CDKN1C: variants seen among roughly 807,000 people sequenced by gnomAD.
The protein encoded by CDKN1C is cyclin dependent kinase inhibitor 1C, also known as cyclin-dependent kinase inhibitor 1C.
A neutral mutation model predicts 16.5 loss-of-function variants in CDKN1C; 7 were observed. The ratio of observed to expected loss-of-function variants is 0.42; its 90% CI spans 0.24 to 0.80. The LOEUF (loss-of-function observed/expected upper bound fraction) is 0.80. Among genes scored for constraint, CDKN1C ranks in the 30% least tolerant of loss-of-function variants. The pLI, the probability that CDKN1C is intolerant of heterozygous loss-of-function variation, is 0.26. For synonymous variants in CDKN1C, 288 were observed against 214.4 expected (o/e 1.34, Z -3.00); for missense variants, 429 against 437.3 (o/e 0.98, Z 0.17).
In CDKN1C at chr11:2,883,470, T is replaced by G. The variant is rs12801085; in HGVS notation, c.*451A>C. ...AGTTACACTTGTCAATAACCAGATG[T>G]GGGAGATGGAGAGTGCCTTTGGCAT... is the stretch of plus-strand genomic sequence containing the variant. On this transcript the variant is annotated 3_prime_UTR_variant, in exon 4 of 4. Coordinates refer to ENST00000440480, the MANE Select transcript of CDKN1C (RefSeq NM_001122630.2). The G allele has an allele frequency of 5.0e-6, 1 of 199,270 alleles. No individual in the cohort carries two copies. The highest frequency in any genetic ancestry group is 1.0e-5 in the Non-Finnish European group (1 of 99,438). The allele number at this position is 199,270 out of a possible 1,614,324, so 12.3% of individuals were successfully genotyped here. A position where few individuals can be genotyped will look rare whatever the true frequency, so the allele number is the denominator to read the frequency against.
rs1172216105 is a variant in CDKN1C, at chr11:2,885,442, G to A, written c.15C>T (p.Val5=). 1.3e-6 allele frequency: 2 copies of A among 1,547,356 alleles called. No homozygotes were observed. Among genetic ancestry groups the A allele is most frequent in the East Asian group, 2.4e-5 (1 of 41,006 alleles). Residue 5 remains valine (V), a synonymous_variant, in exon 2 of 4, where the codon GTC becomes GTT. Transcript: ENST00000440480. ...CTAGTACTGGGAAGGTCCCACGGGCGACAAGACGCTCCATCGTGGATGTGC... is the reference window on the plus strand; with the variant it reads ...CTAGTACTGGGAAGGTCCCACGGGCAACAAGACGCTCCATCGTGGATGTGC... The part of the protein sequence containing the change: MERL[V]ARGTFPVLVR...
intron 2 of CDKN1C, chr11:2,884,423 C>A (rs1294978257): frequency 3.8e-6 from 1 of 262,478 alleles, no homozygotes; most frequent in Admixed American, 5.5e-5. Flanking sequence ...CGGCCGGGGG[C>A]GAAAACTGCG....
rs1404088846 is a variant in CDKN1C at position 2,883,769 on chromosome 11, A to C, written c.*152T>G. On this transcript the variant is annotated 3_prime_UTR_variant, in exon 4 of 4. Transcript: ENST00000440480. ...AAAAGACGTTATTAATACATTGCAC[A>C]GTTTTCAAAATTTAAAAACAAAACC... 2.0e-6 allele frequency: 3 copies of C among 1,474,438 alleles called. No homozygotes were observed. In the East Asian group the frequency reaches 7.5e-5, roughly 37 times the overall value. 91.3% of individuals were successfully genotyped at this position (1,474,438 alleles called of 1,614,324 possible).
chr11:2,885,549 A>C, intron 1 of CDKN1C, 83 bp from the exon 2 acceptor site: 1 of 1,531,260 alleles, frequency 6.5e-7, no homozygotes, highest in African/African-American at 1.4e-5. Context: ...AAGAAGGGGA[A>C]AGGAGAGGAG....
At position 2,883,986 on chromosome 11, in the gene CDKN1C, G is replaced by A. The variant is rs765026706; in HGVS notation, c.*5+13C>T. On this transcript the variant is annotated intron_variant, in intron 3 of 3. Coordinates refer to ENST00000440480, the MANE Select transcript of CDKN1C (RefSeq NM_001122630.2). ...GTCGGCCCTCCGCGCCCCCCCAGGT[G>A]CGCTGTACTCACTTGGCTCACCGCA... is the stretch of plus-strand genomic sequence containing the variant. 3.8e-6 allele frequency: 6 copies of A among 1,560,686 alleles called. No homozygotes were observed. In the South Asian group the frequency reaches 7.0e-5, roughly 18 times the overall value.
chr11:2,884,289 C>A, intron 2 of CDKN1C, 155 bp from the exon 3 acceptor site: 1 of 302,294 alleles, frequency 3.3e-6, no homozygotes, highest in South Asian at 1.3e-4. Context: ...TTTACGTCGC[C>A]GCGCAATGTG....
In CDKN1C at chr11:2,883,813, G is replaced by T; in HGVS notation, c.*108C>A. The T allele has an allele frequency of 6.6e-7, 1 of 1,522,402 alleles. No homozygotes were observed. 94.3% of individuals were successfully genotyped at this position (1,522,402 alleles called of 1,614,324 possible). A position where few individuals can be genotyped will look rare whatever the true frequency, so the allele number is the denominator to read the frequency against. ...CAAAACCGAACGCTGCTCTGCGGCA[G>T]CCGCCGCCGGTTGCTGCTACATGAA... is the stretch of plus-strand genomic sequence containing the variant. On this transcript the variant is annotated 3_prime_UTR_variant, in exon 4 of 4. Transcript: ENST00000440480.
In CDKN1C at chr11:2,885,403, G is replaced by C; in HGVS notation, c.54C>G (p.Ala18=). The part of the protein sequence containing the change: ...GTFPVLVRTS[A]CRSLFGPVDH... ...CCACCGGCCCGAAGAGGCTGCGGCAGGCGCTGGTGCGCACTAGTACTGGGA... is the reference window on the plus strand; with the variant it reads ...CCACCGGCCCGAAGAGGCTGCGGCACGCGCTGGTGCGCACTAGTACTGGGA... The change falls in exon 2 of 4, where the codon GCC becomes GCG. Residue 18 remains alanine (A), a synonymous_variant. Coordinates refer to ENST00000440480, the MANE Select transcript of CDKN1C (RefSeq NM_001122630.2). 1 of 1,557,432 alleles carries C rather than the reference G, an allele frequency of 6.4e-7. No homozygotes were observed. Among genetic ancestry groups the C allele is most frequent in the Non-Finnish European group, 8.7e-7 (1 of 1,154,136 alleles).
chr11:2,883,384 G>C lies in CDKN1C; in HGVS notation c.*537C>G. The C allele has an allele frequency of 6.3e-6, 1 of 157,548 alleles. No individual in the cohort carries two copies. The highest frequency in any genetic ancestry group is 1.4e-5 in the Non-Finnish European group (1 of 71,654). 9.8% of individuals were successfully genotyped at this position (157,548 alleles called of 1,614,324 possible). A position where few individuals can be genotyped will look rare whatever the true frequency, so the allele number is the denominator to read the frequency against. ...CGCGAAGAGACTGCAAGCTAGATGG[G>C]CATGTATGGCAGCTACAGCTTGTGA... On this transcript the variant is annotated 3_prime_UTR_variant, in exon 4 of 4. Transcript: ENST00000440480.
rs878853630 is a variant in CDKN1C at position 2,884,908 on chromosome 11, TGGAGCCGGGGCCGGAGCCGGAGCC to T, written c.525_548del (p.Ala176_Pro183del). On this transcript the variant is annotated inframe_deletion, in exon 2 of 4. Transcript: ENST00000440480. ...CCGGGGCTGGGGCCGGGGCCGCGACTGGAGCCGGGGCCGGAGCCGGAGCCGGAGCCGGGGCCGGGGCCGGGGCCA... is the reference window on the plus strand; with the variant it reads ...CCGGGGCTGGGGCCGGGGCCGCGACTGGAGCCGGGGCCGGGGCCGGGGCCA... 171 of 770,090 alleles carry T rather than the reference TGGAGCCGGGGCCGGAGCCGGAGCC, an allele frequency of 2.2e-4. No homozygotes were observed. Among genetic ancestry groups the T allele is most frequent in the South Asian group, 7.3e-4 (12 of 16,548 alleles). 47.7% of individuals were successfully genotyped at this position (770,090 alleles called of 1,614,324 possible).
chr11:2,885,577 G>A lies in CDKN1C; in HGVS notation c.-11+57C>T. The A allele has an allele frequency of 3.4e-6, 5 of 1,478,994 alleles. 1 individual carries two copies. The South Asian group carries it at 6.2e-5, about 18-fold the overall frequency. 91.6% of individuals were successfully genotyped at this position (1,478,994 alleles called of 1,614,324 possible). A position where few individuals can be genotyped will look rare whatever the true frequency, so the allele number is the denominator to read the frequency against. On this transcript the variant is annotated intron_variant, in intron 1 of 3. Transcript: ENST00000440480. ...GAGAGGAGGAGAGGGCGGAGGCCGG[G>A]CGCAAGGGAGACCCCGCGCCGCCCG...
Position 2,883,843 on chromosome 11 carries a change from C to T in CDKN1C, c.*78G>A. On this transcript the variant is annotated 3_prime_UTR_variant, in exon 4 of 4. Transcript: ENST00000440480. ...CGCCGGTTGCTGCTACATGAACGGT[C>T]CCAGCCGAGGCCCAGCGCCCTTCCA... The T allele has an allele frequency of 6.5e-7, 1 of 1,544,240 alleles. No individual in the cohort carries two copies. The highest frequency in any genetic ancestry group is 8.7e-7 in the Non-Finnish European group (1 of 1,146,272).
At position 2,884,958 on chromosome 11, in the gene CDKN1C, G is replaced by A; in HGVS notation, c.499C>T (p.Leu167=). The change falls in exon 2 of 4, where the codon CTG becomes TTG. Residue 167 remains leucine (L), a synonymous_variant. Coordinates refer to ENST00000440480, the MANE Select transcript of CDKN1C (RefSeq NM_001122630.2). ...GGAGCCGGGGCCGGGGCCGGGGCCAGGACCGCGACCGCGACCGGAGCCGCG... is the reference window on the plus strand; with the variant it reads ...GGAGCCGGGGCCGGGGCCGGGGCCAAGACCGCGACCGCGACCGGAGCCGCG... ...PVAAPVAVAV[L]APAPAPAPAP... is the part of the protein sequence containing the mutation. The A allele has an allele frequency of 9.5e-7, 1 of 1,051,810 alleles. No individual in the cohort carries two copies. The highest frequency in any genetic ancestry group is 1.2e-6 in the Non-Finnish European group (1 of 840,574). The allele number at this position is 1,051,810 out of a possible 1,614,324, so 65.2% of individuals were successfully genotyped here.
Position 2,885,648 on chromosome 11 carries a change from G to A in CDKN1C, c.-25C>T. On this transcript the variant is annotated 5_prime_UTR_variant, in exon 1 of 4. Coordinates refer to ENST00000440480, the MANE Select transcript of CDKN1C (RefSeq NM_001122630.2). ...GCGGCGGCTACCTGGCTGTCCGGTG[G>A]TGGACTCTTCTGCGTCGGGTTCGCC... is the stretch of plus-strand genomic sequence containing the variant. 1 of 876,124 alleles carries A rather than the reference G, an allele frequency of 1.1e-6. No individual in the cohort carries two copies. Among genetic ancestry groups the A allele is most frequent in the East Asian group, 2.7e-5 (1 of 37,588 alleles). The allele number at this position is 876,124 out of a possible 1,614,324, so 54.3% of individuals were successfully genotyped here. A position where few individuals can be genotyped will look rare whatever the true frequency, so the allele number is the denominator to read the frequency against.
In CDKN1C at chr11:2,883,626, CTT is replaced by C. The variant is rs1360681530; in HGVS notation, c.*293_*294del. 1 of 557,262 alleles carries C rather than the reference CTT, an allele frequency of 1.8e-6. No homozygotes were observed. The highest frequency in any genetic ancestry group is 2.0e-5 in the African/African-American group (1 of 49,628). The allele number at this position is 557,262 out of a possible 1,614,324, so 34.5% of individuals were successfully genotyped here. A position where few individuals can be genotyped will look rare whatever the true frequency, so the allele number is the denominator to read the frequency against. On this transcript the variant is annotated 3_prime_UTR_variant, in exon 4 of 4. Coordinates refer to ENST00000440480, the MANE Select transcript of CDKN1C (RefSeq NM_001122630.2). The stretch of plus-strand genomic sequence containing the variant: ...TTTTTTATTTTTTCCTTTTTTTTTT[CTT>C]TTTTCTTTTTTTTGCACTGAGTTTC...
Position 2,883,632 on chromosome 11 carries a change from TC to T in CDKN1C, c.*288del, listed in dbSNP as rs1335898013. ...ATTTTTTCCTTTTTTTTTTCTTTTTTCTTTTTTTTGCACTGAGTTTCAGCAG... is the reference window on the plus strand; with the variant it reads ...ATTTTTTCCTTTTTTTTTTCTTTTTTTTTTTTTTGCACTGAGTTTCAGCAG... On this transcript the variant is annotated 3_prime_UTR_variant, in exon 4 of 4. Transcript: ENST00000440480. 1.6e-4 allele frequency: 101 copies of T among 628,368 alleles called. No homozygotes were observed. The African/African-American group carries it at 1.8e-3, about 11-fold the overall frequency. The allele number at this position is 628,368 out of a possible 1,614,324, so 38.9% of individuals were successfully genotyped here.
At position 2,884,754 on chromosome 11, in the gene CDKN1C, T is replaced by G; in HGVS notation, c.703A>C (p.Ile235Leu). The part of the protein sequence containing the change: ...EPLADQLHSG[I>L]SGRPAAGTAA... Reference sequence around the variant, plus strand: ...GTGCCGGCCGCGGGACGTCCCGAAATCCCCGAGTGCAGCTGGTCAGCGAGA... The same window carrying G: ...GTGCCGGCCGCGGGACGTCCCGAAAGCCCCGAGTGCAGCTGGTCAGCGAGA... Residue 235 changes from isoleucine (I) to leucine (L), a missense_variant, in exon 2 of 4, where the codon ATT becomes CTT. Ile to Leu is a conservative substitution (Grantham distance 5, BLOSUM62 2). Transcript: ENST00000440480. 6.7e-7 allele frequency: 1 copy of G among 1,497,348 alleles called. No homozygotes were observed. Among genetic ancestry groups the G allele is most frequent in the South Asian group, 1.2e-5 (1 of 83,836 alleles). The allele number at this position is 1,497,348 out of a possible 1,614,324, so 92.8% of individuals were successfully genotyped here. A position where few individuals can be genotyped will look rare whatever the true frequency, so the allele number is the denominator to read the frequency against.
Position 2,885,276 on chromosome 11 carries a change from G to A in CDKN1C, c.181C>T (p.Arg61Trp). ...DYDFQQDMPL[R>W]GPGRLQWTEV... The stretch of plus-strand genomic sequence containing the variant: ...GTCCACTGCAGGCGTCCAGGGCCCC[G>A]CAGCGGCATGTCCTGCTGGAAGTCG... Residue 61 changes from arginine (R) to tryptophan (W), a missense_variant, in exon 2 of 4, where the codon CGG becomes TGG. Transcript: ENST00000440480. 1.3e-6 allele frequency: 2 copies of A among 1,583,160 alleles called. No individual in the cohort carries two copies. The highest frequency in any genetic ancestry group is 1.7e-6 in the Non-Finnish European group (2 of 1,166,180).
chr11:2,883,768 C>T lies in CDKN1C; in HGVS notation c.*153G>A. The T allele has an allele frequency of 6.8e-7, 1 of 1,473,192 alleles. No individual in the cohort carries two copies. Among genetic ancestry groups the T allele is most frequent in the Non-Finnish European group, 8.9e-7 (1 of 1,121,136 alleles). The allele number at this position is 1,473,192 out of a possible 1,614,324, so 91.3% of individuals were successfully genotyped here. ...AAAAAGACGTTATTAATACATTGCA[C>T]AGTTTTCAAAATTTAAAAACAAAAC... On this transcript the variant is annotated 3_prime_UTR_variant, in exon 4 of 4. Transcript: ENST00000440480.
Sources: allele counts gnomAD v4.1 joint callset, GRCh38; gene constraint gnomAD v4.1.1; transcripts MANE v1.5; gene names NCBI Gene and HGNC (gene_info 2026-07-23, HGNC 2026-07-21).